ADAM23: variants seen among roughly 807,000 people sequenced by gnomAD.
The protein encoded by ADAM23 is disintegrin and metalloproteinase domain-containing protein 23.
A neutral mutation model predicts 120.1 loss-of-function variants in ADAM23; 33 were observed. The ratio of observed to expected loss-of-function variants is 0.27; its 90% CI spans 0.21 to 0.37. The LOEUF is 0.37. Among genes scored for constraint, ADAM23 ranks in the 10% least tolerant of loss-of-function variants. The pLI is 1.00. For missense variants in ADAM23, 862 were observed against 1,058.2 expected (o/e 0.81, Z 2.57); for synonymous variants, 367 against 375.2 (o/e 0.98, Z 0.25).
intron 18 of ADAM23, among the ~76,000 whole-genome samples, chr2:206,574,565 G>A (rs1283646057): frequency 6.6e-6 from 1 of 152,000 alleles, no homozygotes; most frequent in Non-Finnish European, 1.5e-5. Flanking sequence ...CTAATGTGCT[G>A]TTTTCAAACA....
At position 206,530,962 on chromosome 2, in the gene ADAM23, C is replaced by A; in HGVS notation, c.573+14C>A. 6.2e-7 allele frequency: 1 copy of A among 1,610,866 alleles called. No individual in the cohort carries two copies. Among genetic ancestry groups the A allele is most frequent in the African/African-American group, 1.3e-5 (1 of 74,910 alleles). ...CAGTACTCTAAGGTACGGTTACCGG[C>A]GTCGGCAAGTACTCTAGTATAAGTG... is the stretch of plus-strand genomic sequence containing the variant. On this transcript the variant is annotated intron_variant, in intron 4 of 25. Transcript: ENST00000264377.
In ADAM23 at chr2:206,589,934, GTTT is replaced by G. The variant is rs985548083; in HGVS notation, c.1958+424_1958+426del. Among the ~76,000 whole-genome samples the G allele has an allele frequency of 2.6e-4, 39 of 152,144 alleles. 4 individuals are homozygous for G. The East Asian group carries it at 3.7e-3, about 14-fold the overall frequency. ...TGCGACCAACGTGAAATCTTACTGT[GTTT>G]TTTATCATTTCACAAGTGTAGTAAC... On this transcript the variant is annotated intron_variant, in intron 21 of 25. Transcript: ENST00000264377.
rs941188385 is a variant in ADAM23 at position 206,512,616 on chromosome 2, G to A, written c.510-18269G>A. Among the ~76,000 whole-genome samples the A allele has an allele frequency of 5.9e-5, 9 of 152,188 alleles. No homozygotes were observed. The East Asian group carries it at 7.7e-4, about 13-fold the overall frequency. On this transcript the variant is annotated intron_variant, in intron 3 of 25. Transcript: ENST00000264377. ...GTTCTAAATAGTCTAACAATGTAACGTATTGTCTTTGATGAAAAAATAGAA... is the reference window on the plus strand; with the variant it reads ...GTTCTAAATAGTCTAACAATGTAACATATTGTCTTTGATGAAAAAATAGAA...
intron 3 of ADAM23, among the ~76,000 whole-genome samples, chr2:206,498,378 C>A (rs974591065): frequency 2.0e-5 from 3 of 152,106 alleles, no homozygotes; most frequent in South Asian, 2.1e-4. Flanking sequence ...TTTGACAAAC[C>A]TGACAAAAAG....
intron 2 of ADAM23, among the ~76,000 whole-genome samples, chr2:206,464,230 CTG>C (rs1559218590): frequency 1.3e-5 from 2 of 152,084 alleles, no homozygotes; most frequent in Non-Finnish European, 2.9e-5. Flanking sequence ...TTACTTCTTG[CTG>C]TTTTGTTTCA....
Position 206,505,030 on chromosome 2 carries a change from A to G in ADAM23, c.509+23722A>G, listed in dbSNP as rs553964561. Among the ~76,000 whole-genome samples the G allele has an allele frequency of 7.9e-5, 12 of 152,340 alleles. No homozygotes were observed. In the South Asian group the frequency reaches 1.4e-3, roughly 18 times the overall value. The stretch of plus-strand genomic sequence containing the variant: ...TTTGAGGTCTTCAGTACCAGATTTG[A>G]TTGCTATAAGACTTCCTCTCCTGAC... On this transcript the variant is annotated intron_variant, in intron 3 of 25. Coordinates refer to ENST00000264377, the MANE Select transcript of ADAM23 (RefSeq NM_003812.4).
intron 2 of ADAM23, among the ~76,000 whole-genome samples, chr2:206,463,309 C>CA (rs890202582): frequency 6.6e-6 from 1 of 152,114 alleles, no homozygotes; most frequent in Non-Finnish European, 1.5e-5. Flanking sequence ...ATGTTGGAAA[C>CA]AGAGGTTTGA....
intron 2 of ADAM23, among the ~76,000 whole-genome samples, chr2:206,462,213 G>A (rs1035583): frequency 0.61 from 92,175 of 151,962 alleles, 28,439 homozygotes; most frequent in African/African-American, 0.68. Context: ...CACCTGTAAA[G>A]TTAGTATAAA....
intron 18 of ADAM23, among the ~76,000 whole-genome samples, chr2:206,576,665 A>G (rs1698122508): frequency 6.6e-6 from 1 of 152,154 alleles, no homozygotes; most frequent in South Asian, 2.1e-4. Flanking sequence ...TCTGAGAATC[A>G]GTATTTACAG....
At chr2:206,529,420 A>G (rs1697005634) in intron 3 of ADAM23, among the ~76,000 whole-genome samples, 1 of 151,906 alleles carries the variant, frequency 6.6e-6, no homozygotes, top group Non-Finnish European at 1.5e-5. Context: ...TTCTTTTGAG[A>G]CAGGGTCTCA....
rs78947051 is a variant in ADAM23, at chr2:206,538,853, A to G, written c.574-3199A>G. Among the ~76,000 whole-genome samples the G allele has an allele frequency of 2.2e-3, 335 of 152,116 alleles. 14 individuals are homozygous for G. The East Asian group carries it at 0.062, about 28-fold the overall frequency. On this transcript the variant is annotated intron_variant, in intron 4 of 25. Transcript: ENST00000264377. ...CTCAAACTCCTCCTGGGCTTAAGCA[A>G]TCCTCCCTCCTTGGCCTCCCAAAGT...
chr2:206,600,387 T>G (rs976965662), intron 24 of ADAM23, among the ~76,000 whole-genome samples: 4 of 152,090 alleles, frequency 2.6e-5, no homozygotes, highest in Non-Finnish European at 5.9e-5. Flanking sequence ...GCAGTAAGAG[T>G]ATTAAAAATA....
chr2:206,584,812 G>T (rs972753515), intron 18 of ADAM23, among the ~76,000 whole-genome samples: 7 of 152,182 alleles, frequency 4.6e-5, no homozygotes, highest in African/African-American at 1.7e-4. Flanking sequence ...CCTTCTCCCT[G>T]TGGAGTTTTA....
chr2:206,499,462 G>A (rs905061688), intron 3 of ADAM23, among the ~76,000 whole-genome samples: 4 of 143,806 alleles, frequency 2.8e-5, no homozygotes, highest in Non-Finnish European at 6.0e-5. Flanking sequence ...ATGGACACAG[G>A]AAGAGGAACA....
At chr2:206,457,749 A>C (rs1486547700) in intron 2 of ADAM23, among the ~76,000 whole-genome samples, 2 of 152,140 alleles carry the variant, frequency 1.3e-5, no homozygotes, top group Non-Finnish European at 2.9e-5. Context: ...GTGTTTCCAA[A>C]TAATATGTCA....
chr2:206,495,686 A>G (rs1236373984), intron 3 of ADAM23, among the ~76,000 whole-genome samples: 5 of 152,230 alleles, frequency 3.3e-5, no homozygotes, highest in Admixed American at 6.5e-5. Context: ...AAATGCTCCA[A>G]TTAAAAGGCA....
intron 24 of ADAM23, among the ~76,000 whole-genome samples, chr2:206,604,573 T>C (rs1440193729): frequency 6.6e-6 from 1 of 152,186 alleles, no homozygotes; most frequent in African/African-American, 2.4e-5. Flanking sequence ...TTGTTTGTTT[T>C]TTAAGAAACC....
intron 17 of ADAM23, among the ~76,000 whole-genome samples, 197 bp downstream of exon 17, chr2:206,572,013 C>T (rs1698011269): frequency 6.6e-6 from 1 of 152,284 alleles, no homozygotes; most frequent in East Asian, 1.9e-4. Context: ...TCACTACCAA[C>T]CATCTTATCC....
rs529079103 is a variant in ADAM23 at position 206,596,016 on chromosome 2, G to A, written c.2248-35G>A. The A allele has an allele frequency of 3.3e-6, 5 of 1,522,632 alleles. No individual in the cohort carries two copies. The Admixed American group carries it at 8.5e-5, about 26-fold the overall frequency. The allele number at this position is 1,522,632 out of a possible 1,614,324, so 94.3% of individuals were successfully genotyped here. A position where few individuals can be genotyped will look rare whatever the true frequency, so the allele number is the denominator to read the frequency against. The stretch of plus-strand genomic sequence containing the variant: ...TATCACTATTATTCTACAAAATACA[G>A]TGAAAATGCCATATCTGTTCCTTTT... On this transcript the variant is annotated intron_variant, in intron 23 of 25. Transcript: ENST00000264377.
Sources: allele counts gnomAD v4.1 joint callset (sites outside exome capture counted in the v4.1 genomes callset), GRCh38; gene constraint gnomAD v4.1.1; transcripts MANE v1.5; gene names NCBI Gene and HGNC (gene_info 2026-07-23, HGNC 2026-07-21).